The following WIPF1 variants were observed in gnomAD, a reference collection of about 807,000 sequenced individuals.
WIPF1 encodes WAS/WASL-interacting protein family member 1.
WIPF1 carries 13 observed loss-of-function variants against 35.4 expected under a neutral mutation model. The ratio of observed to expected loss-of-function variants is 0.37; its 90% CI spans 0.24 to 0.58. The LOEUF (loss-of-function observed/expected upper bound fraction) is 0.58. Ranked by LOEUF, WIPF1 falls within the 20% of genes least tolerant of loss-of-function variation. The pLI is 0.74. For synonymous variants in WIPF1, 267 were observed against 266.3 expected (o/e 1.00, Z -0.02); for missense variants, 591 against 667.0 (o/e 0.89, Z 1.25).
intron 1 of WIPF1, among the ~76,000 whole-genome samples, chr2:174,659,619 G>T (rs13014880): frequency 5.0e-4 from 76 of 151,898 alleles, no homozygotes; most frequent in Admixed American, 1.0e-3. Context: ...AAGGGACTCC[G>T]GATTATCAAC....
chr2:174,640,462 C>T (rs1019698517), intron 1 of WIPF1, among the ~76,000 whole-genome samples: 2 of 149,248 alleles, frequency 1.3e-5, no homozygotes, highest in African/African-American at 4.9e-5. Flanking sequence ...AACTAACCTG[C>T]ACATTGTGCA....
At chr2:174,662,205 T>C (rs1182757232) in intron 1 of WIPF1, among the ~76,000 whole-genome samples, 1 of 152,222 alleles carries the variant, frequency 6.6e-6, no homozygotes, top group Admixed American at 6.5e-5. Context: ...TAATACCTAA[T>C]GTAAATGCTA....
chr2:174,658,620 C>T (rs924594779), intron 1 of WIPF1, among the ~76,000 whole-genome samples: 2 of 152,058 alleles, frequency 1.3e-5, no homozygotes, highest in Non-Finnish European at 2.9e-5. Flanking sequence ...ATGCAACAAG[C>T]TCACATAGAA....
chr2:174,661,436 G>A (rs1006579037), intron 1 of WIPF1, among the ~76,000 whole-genome samples: 2 of 151,840 alleles, frequency 1.3e-5, no homozygotes. Context: ...CTTGTCCAGT[G>A]TACTCTCCTC....
At position 174,571,700 on chromosome 2, in the gene WIPF1, C is replaced by T. The variant is rs1684847494; in HGVS notation, c.1105G>A (p.Val369Met). 6.2e-7 allele frequency: 1 copy of T among 1,614,036 alleles called. No individual in the cohort carries two copies. Among genetic ancestry groups the T allele is most frequent in the Non-Finnish European group, 8.5e-7 (1 of 1,180,054 alleles). ...CCTGATCGGCCTGGCGGGTCCCTCA[C>T]TGGAGGTGGGGGTCTCTCACTGGGC... Reference protein sequence around the residue: ...PPPSERPPPPVRDPPGRSGPL... With the variant: ...PPPSERPPPPMRDPPGRSGPL... Residue 369 changes from valine (V) to methionine (M), a missense_variant, in exon 5 of 8, where the codon GTG (valine) becomes ATG (methionine). By Grantham distance (21) the Val-to-Met change is conservative (BLOSUM62 1). Coordinates refer to ENST00000679041, the MANE Select transcript of WIPF1 (RefSeq NM_001375834.1). This position sits in a 1 kb window ranked among gnomAD's most constrained non-coding sequence, Gnocchi z 4.6.
upstream of WIPF1, among the ~76,000 whole-genome samples, chr2:174,599,534 G>A (rs1288190724): frequency 6.6e-6 from 1 of 152,092 alleles, no homozygotes; most frequent in Non-Finnish European, 1.5e-5. Context: ...CCGTGACTTA[G>A]GTCACAAATA....
intron 1 of WIPF1, among the ~76,000 whole-genome samples, chr2:174,659,540 T>C (rs948366055): frequency 2.6e-5 from 4 of 152,180 alleles, no homozygotes; most frequent in Admixed American, 6.5e-5. Context: ...TGTTGGTGGC[T>C]TCTAGGTGAG....
At chr2:174,671,358 G>A (rs1047302970) in intron 1 of WIPF1, among the ~76,000 whole-genome samples, 3 of 151,982 alleles carry the variant, frequency 2.0e-5, no homozygotes, top group African/African-American at 4.8e-5. Flanking sequence ...CGTCATTTTC[G>A]TAAGCTGAGG....
Position 174,567,957 on chromosome 2 carries a change from G to A in WIPF1, c.1246C>T (p.Pro416Ser), listed in dbSNP as rs879255352. Residue 416 changes from proline (P) to serine (S), a missense_variant, in exon 6 of 8, where the codon CCT becomes TCT. Physicochemically the swap from Pro to Ser is moderately conservative, Grantham distance 74 (BLOSUM62 -1). This residue lies in a region of WIPF1 where 117 missense variants were observed against 149.6 expected (regional missense o/e 0.78). Transcript: ENST00000679041. ...CTGGGCCTATCAGGAGGAAGGGGAG[G>A]CCTGGGTCCACTCCTGGGACTGTCT... Reference protein sequence around the residue: ...GVDSPRSGPRPPLPPDRPSAG... With the variant: ...GVDSPRSGPRSPLPPDRPSAG... 7.4e-6 allele frequency: 12 copies of A among 1,613,996 alleles called. No homozygotes were observed. The Admixed American group carries it at 1.8e-4, about 25-fold the overall frequency.
intron 1 of WIPF1, among the ~76,000 whole-genome samples, chr2:174,586,003 T>C (rs965356048): frequency 1.3e-5 from 2 of 152,204 alleles, no homozygotes; most frequent in African/African-American, 2.4e-5. Flanking sequence ...TCCATGACAA[T>C]CCTTTCATGC....
intron 5 of WIPF1, 83 bp from the exon 6 acceptor site, chr2:174,568,156 G>A (rs1042079427): frequency 9.3e-6 from 13 of 1,404,114 alleles, no homozygotes; most frequent in African/African-American, 2.9e-5. Flanking sequence ...AGCTGATGAG[G>A]ACTTGCTGGA....
intron 2 of WIPF1, among the ~76,000 whole-genome samples, chr2:174,583,128 CA>C (rs1223635383): frequency 6.6e-6 from 1 of 152,230 alleles, no homozygotes; most frequent in Non-Finnish European, 1.5e-5. Flanking sequence ...CCAGCCCCAA[CA>C]CACCGCTGAA....
rs370288395 is a variant in WIPF1 at position 174,677,858 on chromosome 2, T to A, written c.-39+4916A>T. 2.6e-5 allele frequency among the ~76,000 whole-genome samples: 4 copies of A among 152,300 alleles called. No individual in the cohort carries two copies. In the East Asian group the frequency reaches 7.7e-4, roughly 29 times the overall value. Reference sequence around the variant, plus strand: ...AACCCAGTATATGAAAAGTAGTGCATAATAAGGCTGATGTTGAAATTAAAG... The same window carrying A: ...AACCCAGTATATGAAAAGTAGTGCAAAATAAGGCTGATGTTGAAATTAAAG... On this transcript the variant is annotated intron_variant, in intron 1 of 8. Transcript: ENST00000272746.
intron 1 of WIPF1, among the ~76,000 whole-genome samples, chr2:174,613,443 G>C (rs944495174): frequency 1.2e-4 from 19 of 152,206 alleles, no homozygotes; most frequent in African/African-American, 4.3e-4. Flanking sequence ...GTAATTTCCA[G>C]TTGTCCTGGG....
chr2:174,679,454 T>A (rs1270331018), intron 1 of WIPF1, among the ~76,000 whole-genome samples: 1 of 137,704 alleles, frequency 7.3e-6, no homozygotes. Flanking sequence ...AGCAACAGAG[T>A]AAAAATTTGT....
chr2:174,670,445 G>C (rs1341546085), intron 1 of WIPF1, among the ~76,000 whole-genome samples: 1 of 152,228 alleles, frequency 6.6e-6, no homozygotes, highest in African/African-American at 2.4e-5. Flanking sequence ...AAGGGTAACT[G>C]AGTTGTCGAG....
chr2:174,677,942 T>G (rs1030764849), intron 1 of WIPF1, among the ~76,000 whole-genome samples: 10 of 152,228 alleles, frequency 6.6e-5, no homozygotes, highest in African/African-American at 2.4e-4. Flanking sequence ...GCTCTGTCAC[T>G]AACTGTGGGA....
intron 4 of WIPF1, 171 bp downstream of exon 4, chr2:174,575,033 T>TTAA: frequency 1.1e-5 from 10 of 878,764 alleles, no homozygotes; most frequent in South Asian, 1.1e-4. Flanking sequence ...CTGATCCTGG[T>TTAA]TAATAATAAT....
At chr2:174,610,900 A>C (rs1574834048) in intron 1 of WIPF1, among the ~76,000 whole-genome samples, 1 of 151,790 alleles carries the variant, frequency 6.6e-6, no homozygotes, top group Non-Finnish European at 1.5e-5. Context: ...CTGGCCCCAC[A>C]CTCAACCTCC....
Sources: allele counts gnomAD v4.1 joint callset (sites outside exome capture counted in the v4.1 genomes callset), GRCh38; gene constraint gnomAD v4.1.1; regional missense constraint gnomAD v4.1.1; non-coding constraint Gnocchi (gnomAD v3.1); transcripts MANE v1.5; gene names NCBI Gene and HGNC (gene_info 2026-07-23, HGNC 2026-07-21).